SULT1E1: variants seen among roughly 807,000 people sequenced by gnomAD.
SULT1E1 encodes the protein sulfotransferase family 1E member 1.
In SULT1E1, 36 loss-of-function variants were observed where a neutral mutation model predicts 33.6. That is an observed-to-expected ratio of 1.07 (90% CI 0.82 to 1.41). The LOEUF (loss-of-function observed/expected upper bound fraction) is 1.41, where lower values mean the gene tolerates loss of function less well. Among genes scored for constraint, SULT1E1 ranks in the 40% most tolerant of loss-of-function variants. The probability of loss-of-function intolerance (pLI) is 0.00; values close to 1 mark genes in which losing one functional copy is unlikely to be tolerated. For missense variants in SULT1E1, 371 were observed against 345.7 expected, an observed-to-expected ratio of 1.07 and a Z score of -0.58; for synonymous variants, 121 against 111.7, an observed-to-expected ratio of 1.08 and a Z score of -0.53.
chr4:69,823,686 A>G, the SULT1E1 span, among the ~76,000 whole-genome samples: 1 of 152,184 alleles, frequency 6.6e-6, no homozygotes, highest in Non-Finnish European at 1.5e-5. Flanking sequence ...CCCCATGAAC[A>G]TGCCAAGTGG....
At chr4:69,835,190 GT>G in the SULT1E1 span, among the ~76,000 whole-genome samples, 1 of 152,036 alleles carries the variant, frequency 6.6e-6, no homozygotes, top group Non-Finnish European at 1.5e-5. Context: ...CTGTCCTTCA[GT>G]TTCCATATCA....
chr4:69,841,827 T>A lies in SULT1E1; in HGVS notation c.*167A>T, dbSNP rs1303235073. 8.9e-6 allele frequency: 4 copies of A among 450,992 alleles called. No homozygotes were observed. The highest frequency in any genetic ancestry group is 1.5e-5 in the Non-Finnish European group (4 of 264,226). 27.9% of individuals were successfully genotyped at this position (450,992 alleles called of 1,614,324 possible). A position where few individuals can be genotyped will look rare whatever the true frequency, so the allele number is the denominator to read the frequency against. The stretch of plus-strand genomic sequence containing the variant: ...CTGTCCTCCAGCCTAGGCAACAGAG[T>A]GAGACTCTGTCTCAAAAAAAAAAAA... On this transcript the variant is annotated 3_prime_UTR_variant, in exon 8 of 8. Coordinates refer to ENST00000226444, the MANE Select transcript of SULT1E1 (RefSeq NM_005420.3).
chr4:69,826,844 T>C, the SULT1E1 span, among the ~76,000 whole-genome samples: 1 of 152,152 alleles, frequency 6.6e-6, no homozygotes, highest in Non-Finnish European at 1.5e-5. Flanking sequence ...TACACAACTA[T>C]GCAAATCTTG....
intron 2 of SULT1E1, among the ~76,000 whole-genome samples, chr4:69,856,170 T>A (rs11573757): frequency 0.039 from 5,913 of 152,224 alleles, 131 homozygotes; most frequent in Admixed American, 0.062. Context: ...TTAAGAATGG[T>A]ATAGTGGTTC....
downstream of SULT1E1, chr4:69,841,122 A>G (rs1249019310): frequency 6.6e-6 from 1 of 152,142 alleles, no homozygotes; most frequent in Non-Finnish European, 1.5e-5. Flanking sequence ...TTTATATATT[A>G]TTTCATTCTT....
downstream of SULT1E1, among the ~76,000 whole-genome samples, chr4:69,840,863 T>A (rs1439263660): frequency 2.0e-5 from 3 of 151,864 alleles, no homozygotes; most frequent in South Asian, 4.2e-4. Context: ...TGGCTAACAC[T>A]GTGAAACCCC....
intron 4 of SULT1E1, among the ~76,000 whole-genome samples, chr4:69,853,855 A>C (rs909312455): frequency 2.6e-5 from 4 of 152,190 alleles, no homozygotes; most frequent in Non-Finnish European, 4.4e-5. Context: ...AACAACAAAT[A>C]CAAAAGTAGC....
chr4:69,853,118 A>C (rs1721160667), intron 4 of SULT1E1, among the ~76,000 whole-genome samples: 1 of 152,172 alleles, frequency 6.6e-6, no homozygotes, highest in Non-Finnish European at 1.5e-5. Context: ...ACGGATTACA[A>C]AATGGAAATA....
chr4:69,859,877 C>A (rs1211342019), intron 1 of SULT1E1, among the ~76,000 whole-genome samples, 172 bp downstream of exon 1: 2 of 152,010 alleles, frequency 1.3e-5, no homozygotes, highest in African/African-American at 2.4e-5. Flanking sequence ...TTTTTAACAA[C>A]AAATTATTTT....
chr4:69,822,953 C>T, the SULT1E1 span, among the ~76,000 whole-genome samples: 1 of 152,134 alleles, frequency 6.6e-6, no homozygotes, highest in African/African-American at 2.4e-5. Context: ...CAAAATGGCC[C>T]TGAAAGGCCG....
intron 5 of SULT1E1, among the ~76,000 whole-genome samples, 196 bp from the exon 6 acceptor site, chr4:69,847,988 A>C (rs569411298): frequency 2.6e-5 from 4 of 151,878 alleles, no homozygotes; most frequent in African/African-American, 4.8e-5. Flanking sequence ...GTATGTAAAA[A>C]TAGTATGAAC....
chr4:69,832,705 C>T, the SULT1E1 span, among the ~76,000 whole-genome samples: 3 of 152,158 alleles, frequency 2.0e-5, no homozygotes, highest in African/African-American at 7.2e-5. Flanking sequence ...GTCCAGCTGG[C>T]TGTAAGCTAG....
chr4:69,837,864 A>C (rs1720818986), downstream of SULT1E1, among the ~76,000 whole-genome samples: 1 of 152,152 alleles, frequency 6.6e-6, no homozygotes, highest in Non-Finnish European at 1.5e-5. Context: ...TATCATTACC[A>C]TTACTAGGTG....
chr4:69,854,450 A>C, intron 3 of SULT1E1, 136 bp from the exon 4 acceptor site: 2 of 574,152 alleles, frequency 3.5e-6, no homozygotes, highest in Non-Finnish European at 5.7e-6. Context: ...ACAAAGTATA[A>C]ATTCTTGAGG....
downstream of SULT1E1, among the ~76,000 whole-genome samples, chr4:69,839,303 T>C (rs1720841499): frequency 6.6e-6 from 1 of 152,134 alleles, no homozygotes; most frequent in Non-Finnish European, 1.5e-5. Flanking sequence ...TGCTGCAACA[T>C]AACATAAAAG....
intron 4 of SULT1E1, among the ~76,000 whole-genome samples, chr4:69,850,665 G>T (rs2110070131): frequency 6.6e-6 from 1 of 151,996 alleles, no homozygotes; most frequent in African/African-American, 2.4e-5. Context: ...CTTTGCCACT[G>T]TATGCATTAA....
intron 6 of SULT1E1, among the ~76,000 whole-genome samples, chr4:69,847,028 ATACT>A (rs1374956991): frequency 6.6e-6 from 1 of 151,680 alleles, no homozygotes; most frequent in Non-Finnish European, 1.5e-5. Flanking sequence ...TTAAATGCTA[ATACT>A]TAGTAAGAAC....
intron 2 of SULT1E1, 91 bp from the exon 3 acceptor site, chr4:69,855,517 T>C: frequency 5.9e-6 from 8 of 1,352,832 alleles, no homozygotes; most frequent in Non-Finnish European, 8.0e-6. Flanking sequence ...AGTTGGAAGG[T>C]ACCAATGCAA....
At chr4:69,851,723 C>T (rs1721115885) in intron 4 of SULT1E1, among the ~76,000 whole-genome samples, 1 of 152,040 alleles carries the variant, frequency 6.6e-6, no homozygotes. Flanking sequence ...TGGAACCAAC[C>T]CAAATATCCA....
Sources: gnomAD v4.1 joint callset for allele counts (sites outside exome capture counted in the v4.1 genomes callset) on GRCh38, gnomAD v4.1.1 for gene constraint, MANE v1.5 for transcripts, NCBI Gene and HGNC (gene_info 2026-07-23, HGNC 2026-07-21) for gene names.